PER3: variants seen among roughly 807,000 people sequenced by gnomAD.
PER3 encodes period circadian protein homolog 3.
A neutral mutation model predicts 127.2 loss-of-function variants in PER3; 107 were observed. The observed-to-expected ratio is 0.84, with a 90% CI of 0.72 to 0.99. PER3 has a LOEUF of 0.99. PER3 is among the 50% of genes least tolerant of loss of function. PER3 has a pLI of 0.00. For missense variants in PER3, 1,560 were observed against 1,525.8 expected (o/e 1.02, Z -0.37); for synonymous variants, 618 against 585.8 (o/e 1.05, Z -0.79).
rs115887532 is a variant in PER3, at chr1:7,791,332, G to A, written c.593-2625G>A. On this transcript the variant is annotated intron_variant, in intron 5 of 21. Transcript: ENST00000377532. ...ACCATATGGAAGCTGCCAAGGAATA[G>A]GGCTTGCACCCTCTGAAGCTATGGC... Among the ~76,000 whole-genome samples, 1,215 of 152,338 alleles carry A rather than the reference G, an allele frequency of 8.0e-3. 17 individuals are homozygous for A. The highest frequency in any genetic ancestry group is 0.027 in the African/African-American group (1,112 of 41,574).
rs112178288 is a variant in PER3 at position 7,794,142 on chromosome 1, A to G, written c.644+134A>G. ...AAAATAAGACTTGGTTATTGCCACAAGGAGTTCGTATTTTGATTGAGAAGA... is the reference window on the plus strand; with the variant it reads ...AAAATAAGACTTGGTTATTGCCACAGGGAGTTCGTATTTTGATTGAGAAGA... On this transcript the variant is annotated intron_variant, in intron 6 of 21. Transcript: ENST00000377532. 28 of 750,148 alleles carry G rather than the reference A, an allele frequency of 3.7e-5. 1 individual carries two copies. The highest frequency in any genetic ancestry group is 2.8e-4 in the African/African-American group (16 of 57,684). 46.5% of individuals were successfully genotyped at this position (750,148 alleles called of 1,614,324 possible).
intron 10 of PER3, among the ~76,000 whole-genome samples, chr1:7,806,364 GT>G (rs1255190230): frequency 6.6e-6 from 1 of 152,130 alleles, no homozygotes; most frequent in Non-Finnish European, 1.5e-5. Flanking sequence ...CTGCAGCCAA[GT>G]TTTCTCTCTT....
chr1:7,788,799 G>A (rs1390986999), intron 5 of PER3, among the ~76,000 whole-genome samples: 1 of 151,930 alleles, frequency 6.6e-6, no homozygotes, highest in East Asian at 1.9e-4. Context: ...AGCTACTCAG[G>A]AGGTTGAGGC....
chr1:7,818,139 A>G (rs1178224361), intron 13 of PER3, among the ~76,000 whole-genome samples: 1 of 152,158 alleles, frequency 6.6e-6, no homozygotes, highest in Non-Finnish European at 1.5e-5. Flanking sequence ...TGAGTGGTAA[A>G]CTGATAAAAT....
intron 6 of PER3, among the ~76,000 whole-genome samples, chr1:7,797,392 T>C (rs995735204): frequency 6.6e-6 from 1 of 152,138 alleles, no homozygotes; most frequent in African/African-American, 2.4e-5. Context: ...CCCAGTACTT[T>C]GGGAGGCCAA....
chr1:7,802,534 G>T lies in PER3; in HGVS notation c.873-513G>T, dbSNP rs558823832. Among the ~76,000 whole-genome samples the T allele has an allele frequency of 7.9e-5, 12 of 152,276 alleles. No individual in the cohort carries two copies. In the East Asian group the frequency reaches 2.3e-3, roughly 29 times the overall value. Reference sequence around the variant, plus strand: ...CCCGCCTCAGCCTCCCAAAGTGCTGGGATTACAGGCGTGAGCCACCGTGCC... The same window carrying T: ...CCCGCCTCAGCCTCCCAAAGTGCTGTGATTACAGGCGTGAGCCACCGTGCC... On this transcript the variant is annotated intron_variant, in intron 8 of 21. Transcript: ENST00000377532.
At chr1:7,789,475 C>T (rs2097108814) in intron 5 of PER3, among the ~76,000 whole-genome samples, 1 of 152,190 alleles carries the variant, frequency 6.6e-6, no homozygotes. Flanking sequence ...ATGTAACTTG[C>T]CCCTCCTTGC....
At chr1:7,797,452 T>C (rs2097150554) in intron 6 of PER3, among the ~76,000 whole-genome samples, 1 of 152,048 alleles carries the variant, frequency 6.6e-6, no homozygotes, top group Admixed American at 6.6e-5. Context: ...CTGACGAACA[T>C]GGTGAAACCC....
At chr1:7,798,388 A>G in intron 6 of PER3, 137 bp from the exon 7 acceptor site, 1 of 668,492 alleles carries the variant, frequency 1.5e-6, no homozygotes, top group Non-Finnish European at 2.5e-6. Context: ...TTTCTTTTGA[A>G]AACAAACATG....
chr1:7,813,341 T>C (rs1354456996), intron 13 of PER3, among the ~76,000 whole-genome samples: 2 of 152,182 alleles, frequency 1.3e-5, no homozygotes, highest in African/African-American at 4.8e-5. Flanking sequence ...ACCCCAGACT[T>C]AACAACAGAA....
chr1:7,788,274 T>C (rs372717220), intron 5 of PER3, 28 bp downstream of exon 5: 117 of 1,445,112 alleles, frequency 8.1e-5, no homozygotes, highest in Non-Finnish European at 1.1e-4. Flanking sequence ...CAGATGTCTA[T>C]CTTTCCTCAT....
chr1:7,844,076 A>C lies in PER3; in HGVS notation c.*1321A>C, dbSNP rs1410164073. 1 of 715,160 alleles carries C rather than the reference A, an allele frequency of 1.4e-6. No homozygotes were observed. Among genetic ancestry groups the C allele is most frequent in the African/African-American group, 1.9e-5 (1 of 51,298 alleles). The allele number at this position is 715,160 out of a possible 1,614,324, so 44.3% of individuals were successfully genotyped here. On this transcript the variant is annotated 3_prime_UTR_variant, in exon 22 of 22. Transcript: ENST00000377532. ...TGTTTTTGGTTTTTTATGGTTTTTTAAGGAAAATACTTTTCTCCTTTGAAG... is the reference window on the plus strand; with the variant it reads ...TGTTTTTGGTTTTTTATGGTTTTTTCAGGAAAATACTTTTCTCCTTTGAAG...
At chr1:7,817,493 A>G (rs1017670422) in intron 13 of PER3, among the ~76,000 whole-genome samples, 15 of 152,244 alleles carry the variant, frequency 9.9e-5, no homozygotes, top group Non-Finnish European at 2.2e-4. Flanking sequence ...AAGTTGGTGT[A>G]TTCGTTTCCC....
chr1:7,841,518 A>G (rs1380634261), intron 21 of PER3, among the ~76,000 whole-genome samples: 1 of 152,108 alleles, frequency 6.6e-6, no homozygotes, highest in Non-Finnish European at 1.5e-5. Context: ...TCAAGCTGAA[A>G]TTGACCACAG....
intron 5 of PER3, among the ~76,000 whole-genome samples, chr1:7,788,924 A>AT (rs201101379): frequency 0.077 from 11,347 of 147,536 alleles, 487 homozygotes; most frequent in Middle Eastern, 0.13. Context: ...AAAAAAAAAA[A>AT]TTCAGATCAT....
intron 4 of PER3, chr1:7,787,416 C>A: frequency 2.7e-6 from 1 of 369,234 alleles, no homozygotes; most frequent in Non-Finnish European, 5.3e-6. Flanking sequence ...AATAGTGGAA[C>A]GTGCGCAATC....
At chr1:7,842,573 G>T in intron 21 of PER3, 99 bp from the exon 22 acceptor site, 1 of 1,337,240 alleles carries the variant, frequency 7.5e-7, no homozygotes, top group Admixed American at 2.4e-5. Context: ...ACATGAATAA[G>T]TTGGGGATTT....
chr1:7,818,353 G>T (rs2097260722), intron 13 of PER3, among the ~76,000 whole-genome samples: 1 of 152,162 alleles, frequency 6.6e-6, no homozygotes. Context: ...ATGAGTGAAA[G>T]GTAATACAGT....
intron 13 of PER3, among the ~76,000 whole-genome samples, chr1:7,812,163 C>G (rs1208082683): frequency 6.6e-6 from 1 of 152,208 alleles, no homozygotes; most frequent in Non-Finnish European, 1.5e-5. Flanking sequence ...ATCACAGTTT[C>G]ACACACTGAC....
Sources: allele counts gnomAD v4.1 joint callset (sites outside exome capture counted in the v4.1 genomes callset), GRCh38; gene constraint gnomAD v4.1.1; transcripts MANE v1.5; gene names NCBI Gene and HGNC (gene_info 2026-07-23, HGNC 2026-07-21).